Variants in STAG2 observed in about 807,000 individuals in gnomAD.
STAG2 encodes cohesin subunit SA-2.
In STAG2, 14 loss-of-function variants were observed where a neutral mutation model predicts 108.1. That is an observed-to-expected ratio of 0.13 (90% CI 0.09 to 0.20). STAG2 has a LOEUF of 0.20. STAG2 is among the 10% of genes least tolerant of loss of function. STAG2 has a pLI of 1.00. For missense variants in STAG2, 440 were observed against 940.9 expected, an observed-to-expected ratio of 0.47 and a Z score of 6.96; for synonymous variants, 307 against 302.7, an observed-to-expected ratio of 1.01 and a Z score of -0.15.
chrX:124,068,675 TG>T lies in STAG2; in HGVS notation c.2358+21del. 1 of 1,069,711 alleles carries T rather than the reference TG, an allele frequency of 9.3e-7. No individual in the cohort carries two copies. Among genetic ancestry groups the T allele is most frequent in the Non-Finnish European group, 1.3e-6 (1 of 791,213 alleles). 88.2% of individuals were successfully genotyped at this position (1,069,711 alleles called of 1,213,427 possible). ...GGAACAGGTTAGTAATTACTATAGA[TG>T]GTAATCTTTTTGTAAGCAACCTTTA... On this transcript the variant is annotated intron_variant, in intron 24 of 34. Transcript: ENST00000371145.
chrX:124,031,744 T>A (rs1207011443), intron 5 of STAG2, among the ~76,000 whole-genome samples: 8 of 98,029 alleles, frequency 8.2e-5, no homozygotes, highest in South Asian at 9.5e-4. Context: ...TATTATTATT[T>A]TTTTGAGATG....
chrX:124,004,608 G>A (rs1309839510), intron 1 of STAG2, among the ~76,000 whole-genome samples: 1 of 111,746 alleles, frequency 8.9e-6, no homozygotes, highest in African/African-American at 3.3e-5. Flanking sequence ...TTCATTGATA[G>A]ATACTTGAGT....
chrX:124,013,049 T>C (rs2056573875), intron 1 of STAG2, among the ~76,000 whole-genome samples: 1 of 111,358 alleles, frequency 9.0e-6, no homozygotes, highest in African/African-American at 3.3e-5. Context: ...GAGCCAGTGA[T>C]GCCCAGTGTG....
chrX:123,976,132 G>T (rs2054603877), intron 1 of STAG2, among the ~76,000 whole-genome samples: 1 of 111,583 alleles, frequency 9.0e-6, no homozygotes, highest in Admixed American at 9.6e-5. Context: ...AAATTAGCCA[G>T]GCATGGCAGT....
Position 124,065,961 on chromosome X carries a change from G to A in STAG2, c.2096+15G>A, listed in dbSNP as rs750863472. The A allele has an allele frequency of 8.7e-7, 1 of 1,145,811 alleles. No homozygotes were observed. The highest frequency in any genetic ancestry group is 1.2e-6 in the Non-Finnish European group (1 of 856,356). The allele number at this position is 1,145,811 out of a possible 1,213,427, so 94.4% of individuals were successfully genotyped here. ...GCTTTTCATAAGTAAGTTGAATTTT[G>A]AAGTTCCTGTTTTCTTAAATCTGTA... On this transcript the variant is annotated intron_variant, in intron 21 of 34. Transcript: ENST00000371145.
At chrX:123,990,427 G>A (rs2055400711) in intron 1 of STAG2, among the ~76,000 whole-genome samples, 1 of 111,775 alleles carries the variant, frequency 8.9e-6, no homozygotes, top group African/African-American at 3.3e-5. Context: ...TAGGTATGGA[G>A]GGTTGAGGTT....
At chrX:123,979,799 A>G (rs889133557) in intron 1 of STAG2, among the ~76,000 whole-genome samples, 3 of 111,627 alleles carry the variant, frequency 2.7e-5, no homozygotes, top group African/African-American at 9.8e-5. Context: ...TTTATAGTGT[A>G]TTTGTGATGA....
chrX:123,988,952 G>C (rs753196310), intron 1 of STAG2, among the ~76,000 whole-genome samples: 1 of 111,009 alleles, frequency 9.0e-6, no homozygotes, highest in Non-Finnish European at 1.9e-5. Context: ...TGTCTTGCCT[G>C]TCTCTCCCAC....
chrX:124,027,658 G>A (rs1450393258), intron 4 of STAG2, among the ~76,000 whole-genome samples: 1 of 111,551 alleles, frequency 9.0e-6, no homozygotes, highest in East Asian at 2.8e-4. Flanking sequence ...TACTATGTAT[G>A]TTCCATGTGT....
chrX:123,961,905 G>T (rs922375215), intron 1 of STAG2, 49 bp downstream of exon 1: 1 of 112,629 alleles, frequency 8.9e-6, no homozygotes, highest in African/African-American at 3.2e-5. Flanking sequence ...GGGTCTGGCG[G>T]TGTTGGCCCC....
At chrX:124,061,086 T>C in intron 15 of STAG2, 138 bp from the exon 16 acceptor site, 1 of 378,501 alleles carries the variant, frequency 2.6e-6, no homozygotes, top group Non-Finnish European at 4.4e-6. Flanking sequence ...GTTTCTTCTC[T>C]GTCCTTTCAT....
In STAG2 at chrX:124,101,271, A is replaced by G. The variant is rs1419578478; in HGVS notation, c.*674A>G. The G allele has an allele frequency of 6.6e-6, 1 of 151,571 alleles. No homozygotes were observed. Among genetic ancestry groups the G allele is most frequent in the Non-Finnish European group, 1.3e-5 (1 of 77,218 alleles). 12.5% of individuals were successfully genotyped at this position (151,571 alleles called of 1,213,427 possible). ...TGCAGTGAACTGCCAGAAGGTAACC[A>G]GTCTCAAACATGCTTATCCCATTAT... On this transcript the variant is annotated 3_prime_UTR_variant, in exon 35 of 35. Transcript: ENST00000371145.
chrX:124,079,301 G>A (rs1238057024), intron 27 of STAG2, among the ~76,000 whole-genome samples: 1 of 109,384 alleles, frequency 9.1e-6, no homozygotes, highest in East Asian at 3.0e-4. Flanking sequence ...ACCACACCCG[G>A]CTAATTTTTT....
rs2059522519 is a variant in STAG2, at chrX:124,102,584, G to A, written c.*1987G>A. ...TATATCTATTATCACATCTTTTAAT[G>A]TGTTTGGGGAATAATTTATAGAGAA... On this transcript the variant is annotated 3_prime_UTR_variant, in exon 35 of 35. Transcript: ENST00000371145. 6.9e-6 allele frequency: 1 copy of A among 144,939 alleles called. No individual in the cohort carries two copies. The highest frequency in any genetic ancestry group is 3.1e-5 in the African/African-American group (1 of 32,250). The allele number at this position is 144,939 out of a possible 1,213,427, so 11.9% of individuals were successfully genotyped here.
rs2058656473 is a variant in STAG2 at position 124,071,233 on chromosome X, T to C, written c.2443T>C (p.Tyr815His). The C allele has an allele frequency of 8.3e-7, 1 of 1,203,901 alleles. No homozygotes were observed. Among genetic ancestry groups the C allele is most frequent in the Admixed American group, 2.2e-5 (1 of 45,020 alleles). ...GGRDMLEPLV[Y>H]TPDSSLQSEL... ...GCGTGACATGTTAGAGCCATTAGTGTATACCCCTGATTCTTCATTGCAGTC... is the reference window on the plus strand; with the variant it reads ...GCGTGACATGTTAGAGCCATTAGTGCATACCCCTGATTCTTCATTGCAGTC... Residue 815 changes from tyrosine (Y) to histidine (H), a missense_variant, in exon 25 of 35, where the codon TAT becomes CAT. Around this residue, in one of 3 missense-constraint regions of STAG2, gnomAD observed 337 missense variants for 649.3 expected, o/e 0.52. Coordinates refer to ENST00000371145, the MANE Select transcript of STAG2 (RefSeq NM_001042750.2).
chrX:124,050,510 T>G (rs917998384), intron 11 of STAG2, among the ~76,000 whole-genome samples: 1 of 111,633 alleles, frequency 9.0e-6, no homozygotes, highest in Non-Finnish European at 1.9e-5. Context: ...GGCCACTGAT[T>G]TAACCATTAA....
Position 124,064,048 on chromosome X carries a change from A to G in STAG2, c.2022A>G (p.Gln674=). 1 of 1,193,305 alleles carries G rather than the reference A, an allele frequency of 8.4e-7. No individual in the cohort carries two copies. The highest frequency in any genetic ancestry group is 1.1e-6 in the Non-Finnish European group (1 of 880,466). The part of the protein sequence containing the change: ...KFNRLLEDFL[Q]EGEEPDEDDA... ...ACCGGCTTCTTGAAGATTTTCTGCA[A>G]GAGGTATATATTATAACTATTACAA... The change falls in exon 20 of 35, where the codon CAA becomes CAG. Residue 674 remains glutamine (Q), a synonymous_variant. Coordinates refer to ENST00000371145, the MANE Select transcript of STAG2 (RefSeq NM_001042750.2).
chrX:124,080,007 A>G (rs931987840), intron 27 of STAG2, among the ~76,000 whole-genome samples: 3 of 110,411 alleles, frequency 2.7e-5, no homozygotes, highest in African/African-American at 6.6e-5. Flanking sequence ...ATTGAAAAGT[A>G]AGAATTCTGT....
intron 7 of STAG2, among the ~76,000 whole-genome samples, chrX:124,043,065 T>C (rs1336746897): frequency 1.8e-5 from 2 of 109,851 alleles, no homozygotes; most frequent in Non-Finnish European, 3.8e-5. Flanking sequence ...ATAAGAGCTT[T>C]GGCATTAGAT....
Sources: allele counts gnomAD v4.1 joint callset (sites outside exome capture counted in the v4.1 genomes callset), GRCh38; gene constraint gnomAD v4.1.1; regional missense constraint gnomAD v4.1.1; transcripts MANE v1.5; gene names NCBI Gene and HGNC (gene_info 2026-07-23, HGNC 2026-07-21).